Variants in FANCC observed in about 807,000 individuals in gnomAD.
FANCC encodes Fanconi anemia group C protein.
Under a neutral mutation model 71.3 loss-of-function variants are expected in FANCC, and 55 were observed. That is an observed-to-expected ratio of 0.77 (90% CI 0.62 to 0.97). The LOEUF (loss-of-function observed/expected upper bound fraction) is 0.97, where lower values mean the gene tolerates loss of function less well. Ranked by LOEUF, FANCC falls within the 50% of genes least tolerant of loss-of-function variation. The pLI is 0.00. For missense variants in FANCC, 678 were observed against 670.9 expected (o/e 1.01, Z -0.12); for synonymous variants, 275 against 244.9 (o/e 1.12, Z -1.15).
chr9:95,166,450 G>A (rs1272789168), intron 6 of FANCC, among the ~76,000 whole-genome samples: 1 of 151,902 alleles, frequency 6.6e-6, no homozygotes, highest in African/African-American at 2.4e-5. Flanking sequence ...ACAACCTAAC[G>A]AGATAACTTC....
chr9:95,267,581 A>G (rs1832451999), intron 1 of FANCC, among the ~76,000 whole-genome samples: 2 of 152,192 alleles, frequency 1.3e-5, no homozygotes, highest in Non-Finnish European at 2.9e-5. Flanking sequence ...TGCAACTAAC[A>G]ATATCAGACA....
intron 1 of FANCC, among the ~76,000 whole-genome samples, chr9:95,271,207 G>C (rs993953458): frequency 6.6e-6 from 1 of 152,206 alleles, no homozygotes; most frequent in African/African-American, 2.4e-5. Context: ...CCACAACAAA[G>C]AATTAGCAGC....
In FANCC at chr9:95,248,987, TTGAG is replaced by T. The variant is rs1027025956; in HGVS notation, c.165+136_165+139del. The T allele has an allele frequency of 1.0e-5, 8 of 783,028 alleles. No homozygotes were observed. The African/African-American group carries it at 1.2e-4, about 12-fold the overall frequency. The allele number at this position is 783,028 out of a possible 1,614,324, so 48.5% of individuals were successfully genotyped here. On this transcript the variant is annotated intron_variant, in intron 2 of 14. Coordinates refer to ENST00000289081, the MANE Select transcript of FANCC (RefSeq NM_000136.3). ...AAATCGGAGACTAGGAAACCAGCTC[TTGAG>T]TAATTTGTCTTCCTAATCCATCGGC... is the stretch of plus-strand genomic sequence containing the variant.
chr9:95,217,380 G>A (rs1277923698), intron 4 of FANCC, among the ~76,000 whole-genome samples: 1 of 151,898 alleles, frequency 6.6e-6, no homozygotes, highest in Non-Finnish European at 1.5e-5. Context: ...AGCTACTCGG[G>A]AGGCTGAGGC....
intron 7 of FANCC, among the ~76,000 whole-genome samples, chr9:95,139,822 A>ATG (rs1403640691): frequency 6.8e-6 from 1 of 146,646 alleles, no homozygotes; most frequent in East Asian, 2.0e-4. Context: ...GACAAAATGA[A>ATG]TATATATATA....
rs910709067 is a variant in FANCC at position 95,099,066 on chromosome 9, T to TGAA, written c.*2638_*2640dup. ...AATGGATACAACATTAGGTGCAAAC[T>TGAA]GAAGTTTTATTTAGAATGAAAAAAT... is the stretch of plus-strand genomic sequence containing the variant. On this transcript the variant is annotated 3_prime_UTR_variant, in exon 15 of 15. Coordinates refer to ENST00000289081, the MANE Select transcript of FANCC (RefSeq NM_000136.3). The TGAA allele has an allele frequency of 1.6e-5, 3 of 186,998 alleles. No individual in the cohort carries two copies. The highest frequency in any genetic ancestry group is 6.2e-5 in the Admixed American group (1 of 16,108). The allele number at this position is 186,998 out of a possible 1,614,324, so 11.6% of individuals were successfully genotyped here.
rs546175642 is a variant in FANCC at position 95,292,535 on chromosome 9, G to A, written c.-79+24991C>T. 1.5e-3 allele frequency: 2,207 copies of A among 1,478,858 alleles called. 3 individuals are homozygous for A. Among genetic ancestry groups the A allele is most frequent in the Non-Finnish European group, 1.7e-3 (1,921 of 1,103,194 alleles). The allele number at this position is 1,478,858 out of a possible 1,614,324, so 91.6% of individuals were successfully genotyped here. A position where few individuals can be genotyped will look rare whatever the true frequency, so the allele number is the denominator to read the frequency against. On this transcript the variant is annotated intron_variant, in intron 1 of 14. Coordinates refer to ENST00000289081, the MANE Select transcript of FANCC (RefSeq NM_000136.3). ...CCGCGGCCTCCGTGCTGGCGGGGGA[G>A]CTGATCCAGCAGTAGGTGAGCGAGC... is the stretch of plus-strand genomic sequence containing the variant.
intron 9 of FANCC, among the ~76,000 whole-genome samples, chr9:95,125,853 T>C (rs1825899352): frequency 6.6e-6 from 1 of 152,174 alleles, no homozygotes; most frequent in South Asian, 2.1e-4. Flanking sequence ...GAAGAGGGGC[T>C]GGGACACTCC....
intron 6 of FANCC, among the ~76,000 whole-genome samples, chr9:95,169,142 A>C (rs962690030): frequency 9.9e-5 from 15 of 152,240 alleles, no homozygotes; most frequent in Non-Finnish European, 2.1e-4. Context: ...TTTTCAACTT[A>C]ATAAGGAAAG....
At position 95,314,000 on chromosome 9, in the gene FANCC, G is replaced by A. The variant is rs566106127; in HGVS notation, c.-79+3526C>T. Among the ~76,000 whole-genome samples the A allele has an allele frequency of 2.0e-5, 3 of 152,224 alleles. No individual in the cohort carries two copies. In the South Asian group the frequency reaches 6.2e-4, roughly 32 times the overall value. Reference sequence around the variant, plus strand: ...CGTATCTAATGGTAAAAGATTAAATGTTTTCCCCCTAAGATGAGAAATAAG... The same window carrying A: ...CGTATCTAATGGTAAAAGATTAAATATTTTCCCCCTAAGATGAGAAATAAG... On this transcript the variant is annotated intron_variant, in intron 1 of 14. Transcript: ENST00000289081.
chr9:95,165,491 C>A (rs1831015773), intron 6 of FANCC, among the ~76,000 whole-genome samples: 1 of 151,836 alleles, frequency 6.6e-6, no homozygotes, highest in Admixed American at 6.6e-5. Context: ...GTTGGGTTTT[C>A]ATTTTCATTT....
intron 8 of FANCC, among the ~76,000 whole-genome samples, chr9:95,132,625 G>A (rs144106220): frequency 3.9e-5 from 6 of 152,280 alleles, no homozygotes; most frequent in East Asian, 3.9e-4. Context: ...TCCACCGCAC[G>A]GAAGCCAAAG....
chr9:95,197,109 G>A (rs1013164363), intron 4 of FANCC, among the ~76,000 whole-genome samples: 10 of 152,164 alleles, frequency 6.6e-5, no homozygotes, highest in Admixed American at 5.9e-4. Flanking sequence ...CCTATCCTGA[G>A]TACCTGATGA....
intron 12 of FANCC, among the ~76,000 whole-genome samples, chr9:95,111,944 C>T (rs560156647): frequency 5.2e-4 from 79 of 152,302 alleles, no homozygotes; most frequent in African/African-American, 1.9e-3. Flanking sequence ...CCATGACCAA[C>T]AGGAATGTGG....
intron 4 of FANCC, among the ~76,000 whole-genome samples, chr9:95,185,461 T>C (rs1826654803): frequency 6.6e-6 from 1 of 152,228 alleles, no homozygotes; most frequent in Non-Finnish European, 1.5e-5. Flanking sequence ...GAAGACAGTC[T>C]AAGCTTAGGG....
At position 95,126,810 on chromosome 9, in the gene FANCC, T is replaced by G. The variant is rs1826054331; in HGVS notation, c.844-229A>C. The G allele has an allele frequency of 7.7e-6, 4 of 516,854 alleles. No homozygotes were observed. In the Admixed American group the frequency reaches 9.7e-5, roughly 13 times the overall value. 32.0% of individuals were successfully genotyped at this position (516,854 alleles called of 1,614,324 possible). On this transcript the variant is annotated intron_variant, in intron 8 of 14. Transcript: ENST00000289081. ...GGCAGCTTATTCCTCTGTATACTCC[T>G]GTATGTCCCACATTTTCTATAAAAG...
chr9:95,124,103 CAAAAAAA>C (rs139226812), intron 10 of FANCC, among the ~76,000 whole-genome samples: 5 of 43,544 alleles, frequency 1.1e-4, no homozygotes, highest in Admixed American at 3.2e-4. Context: ...AACCTTGTCT[CAAAAAAA>C]AAAAAAAAAA....
intron 3 of FANCC, among the ~76,000 whole-genome samples, chr9:95,245,852 G>A (rs1428511374): frequency 6.6e-6 from 1 of 150,896 alleles, no homozygotes; most frequent in Non-Finnish European, 1.5e-5. Context: ...AGCCGAGATA[G>A]TGCCATTGCA....
intron 4 of FANCC, among the ~76,000 whole-genome samples, chr9:95,234,556 A>G (rs1490422308): frequency 6.6e-6 from 1 of 152,266 alleles, no homozygotes; most frequent in Non-Finnish European, 1.5e-5. Flanking sequence ...ACAAGATGGA[A>G]GAACTTCCTC....
Sources: allele counts gnomAD v4.1 joint callset (sites outside exome capture counted in the v4.1 genomes callset), GRCh38; gene constraint gnomAD v4.1.1; transcripts MANE v1.5; gene names NCBI Gene and HGNC (gene_info 2026-07-23, HGNC 2026-07-21).